The following PDE1A variants were observed in gnomAD, a reference collection of about 807,000 sequenced individuals.
The protein encoded by PDE1A is phosphodiesterase 1A, also known as dual specificity calcium/calmodulin-dependent 3',5'-cyclic nucleotide phosphodiesterase 1A.
Under a neutral mutation model 61.7 loss-of-function variants are expected in PDE1A, and 35 were observed. That is an observed-to-expected ratio of 0.57 (90% confidence interval 0.43 to 0.75). PDE1A has a LOEUF of 0.75. PDE1A is among the 30% of genes least tolerant of loss of function. PDE1A has a pLI of 0.00. For missense variants in PDE1A, 597 were observed against 630.6 expected (o/e 0.95, Z 0.57); for synonymous variants, 232 against 213.2 (o/e 1.09, Z -0.77).
the PDE1A span, among the ~76,000 whole-genome samples, chr2:182,585,095 A>C: frequency 1.3e-5 from 2 of 152,232 alleles, no homozygotes; most frequent in African/African-American, 4.8e-5. Flanking sequence ...CAGTAGGAGA[A>C]TAAGAACTGG....
intron 2 of PDE1A, among the ~76,000 whole-genome samples, chr2:182,248,650 A>G (rs1220009884): frequency 1.3e-5 from 2 of 152,044 alleles, no homozygotes; most frequent in Non-Finnish European, 2.9e-5. Flanking sequence ...TGGGATTTTG[A>G]CTCTTACAAT....
Position 182,224,839 on chromosome 2 carries a change from C to T in PDE1A, c.676-875G>A, listed in dbSNP as rs146922707. Among the ~76,000 whole-genome samples the T allele has an allele frequency of 4.6e-5, 7 of 151,954 alleles. No homozygotes were observed. The East Asian group carries it at 1.2e-3, about 25-fold the overall frequency. On this transcript the variant is annotated intron_variant, in intron 6 of 13. Coordinates refer to ENST00000351439, the Ensembl canonical transcript of PDE1A. ...TCACATGTGACAAGTGGTTACCATA[C>T]AGAACAGCACAGACACAAAACATTT...
chr2:182,662,742 A>G, the PDE1A span, among the ~76,000 whole-genome samples: 2 of 152,224 alleles, frequency 1.3e-5, no homozygotes, highest in Non-Finnish European at 2.9e-5. Context: ...AAGACAACCT[A>G]GGCAATACCA....
At chr2:182,206,037 G>T (rs146577618) in exon 8 of PDE1A, 17 of 1,609,882 alleles carry the variant, frequency 1.1e-5, no homozygotes, top group Non-Finnish European at 1.4e-5. Context: ...AGGACAGAGC[G>T]ATCATTATAC....
chr2:182,190,762 C>T (rs949921862), intron 10 of PDE1A, among the ~76,000 whole-genome samples: 1 of 152,040 alleles, frequency 6.6e-6, no homozygotes, highest in South Asian at 2.1e-4. Flanking sequence ...TTGAGACCAT[C>T]CTGGCCAACA....
At chr2:182,558,286 T>C in the PDE1A span, among the ~76,000 whole-genome samples, 5 of 151,988 alleles carry the variant, frequency 3.3e-5, no homozygotes, top group African/African-American at 1.2e-4. Flanking sequence ...ATTTTAATTA[T>C]GATATAATCT....
chr2:182,162,840 T>G (rs1691455590), intron 13 of PDE1A, among the ~76,000 whole-genome samples: 1 of 152,120 alleles, frequency 6.6e-6, no homozygotes, highest in Non-Finnish European at 1.5e-5. Flanking sequence ...GGTAGTTATT[T>G]CCCCAGTTCA....
chr2:182,562,307 G>A, the PDE1A span, among the ~76,000 whole-genome samples: 1 of 150,624 alleles, frequency 6.6e-6, no homozygotes, highest in Admixed American at 6.6e-5. Flanking sequence ...CATCTATTGA[G>A]ATAATCATGT....
chr2:182,437,576 C>G (rs1192423546), intron 2 of PDE1A, among the ~76,000 whole-genome samples: 3 of 151,884 alleles, frequency 2.0e-5, no homozygotes, highest in African/African-American at 7.2e-5. Flanking sequence ...ACCTATTACA[C>G]TGAATTCCCC....
Position 182,379,220 on chromosome 2 carries a change from T to C in PDE1A, c.53+47358A>G, listed in dbSNP as rs190441784. Among the ~76,000 whole-genome samples the C allele has an allele frequency of 7.2e-4, 109 of 152,304 alleles. 1 individual carries two copies. Among genetic ancestry groups the C allele is most frequent in the Middle Eastern group, 6.8e-3 (2 of 294 alleles). On this transcript the variant is annotated intron_variant, in intron 1 of 13. Transcript: ENST00000351439. ...GCTTCATGCCAAATACTTCACAAGA[T>C]AGAATAACAACATAATTACAATGTT...
intron 2 of PDE1A, among the ~76,000 whole-genome samples, chr2:182,242,869 TC>T (rs1206982621): frequency 6.7e-6 from 1 of 149,410 alleles, no homozygotes; most frequent in Non-Finnish European, 1.5e-5. Context: ...CTCTCTCTCC[TC>T]TCTCCTCTCC....
chr2:182,255,885 T>G lies in PDE1A; in HGVS notation c.167+8416A>C, dbSNP rs891623707. Among the ~76,000 whole-genome samples the G allele has an allele frequency of 2.0e-5, 3 of 151,810 alleles. No homozygotes were observed. The South Asian group carries it at 6.2e-4, about 32-fold the overall frequency. The stretch of plus-strand genomic sequence containing the variant: ...ATTGGCCAGGCTGGTCTTGAACTCC[T>G]GACCTTGTGATCTGCTGACCTAATG... On this transcript the variant is annotated intron_variant, in intron 2 of 13. Coordinates refer to ENST00000351439, the Ensembl canonical transcript of PDE1A.
chr2:182,229,188 T>TA lies in PDE1A; in HGVS notation c.675+817dup, dbSNP rs1054305765. The stretch of plus-strand genomic sequence containing the variant: ...GCTCCCTTTACACTTGTAGCAAGTG[T>TA]AAAAAAAATGCATTCAAGCAGGAAT... On this transcript the variant is annotated intron_variant, in intron 6 of 13. Transcript: ENST00000351439. 2.4e-4 allele frequency among the ~76,000 whole-genome samples: 37 copies of TA among 151,948 alleles called. 1 individual carries two copies. Among genetic ancestry groups the TA allele is most frequent in the African/African-American group, 7.5e-4 (31 of 41,486 alleles).
chr2:182,430,917 T>C (rs1242316262), upstream of PDE1A, among the ~76,000 whole-genome samples: 1 of 104,542 alleles, frequency 9.6e-6, no homozygotes, highest in African/African-American at 3.8e-5. Context: ...TGAGATCACA[T>C]GGACACAGGA....
intron 1 of PDE1A, among the ~76,000 whole-genome samples, chr2:182,274,779 G>A (rs373636514): frequency 6.6e-6 from 1 of 151,830 alleles, no homozygotes; most frequent in African/African-American, 2.4e-5. Context: ...CTCATATTTG[G>A]TTTTACAGAA....
the PDE1A span, among the ~76,000 whole-genome samples, chr2:182,559,333 T>C: frequency 6.6e-6 from 1 of 152,056 alleles, no homozygotes; most frequent in Non-Finnish European, 1.5e-5. Context: ...CTGTAAACTA[T>C]GGTAAGAAGC....
chr2:182,570,250 A>T, the PDE1A span, among the ~76,000 whole-genome samples: 2 of 152,248 alleles, frequency 1.3e-5, no homozygotes, highest in African/African-American at 2.4e-5. Context: ...AGAGTATAAA[A>T]TAGAAAAATA....
At chr2:182,186,390 T>G in intron 12 of PDE1A, 78 bp downstream of exon 12, 4 of 1,490,420 alleles carry the variant, frequency 2.7e-6, no homozygotes, top group South Asian at 1.2e-5. Flanking sequence ...TGCCTAGATG[T>G]GAGAAATATA....
chr2:182,510,349 T>C (rs66951643), intron 2 of PDE1A, among the ~76,000 whole-genome samples: 2 of 152,130 alleles, frequency 1.3e-5, no homozygotes, highest in African/African-American at 4.8e-5. Context: ...AGTGTGATTC[T>C]CATGAGACTT....
Sources: gnomAD v4.1 joint callset for allele counts (sites outside exome capture counted in the v4.1 genomes callset) on GRCh38, gnomAD v4.1.1 for gene constraint, MANE v1.5 for transcripts, NCBI Gene and HGNC (gene_info 2026-07-23, HGNC 2026-07-21) for gene names.